Variants in PLXNA4 observed in about 807,000 individuals in gnomAD.
PLXNA4 encodes the protein plexin A4.
Under a neutral mutation model 191.8 loss-of-function variants are expected in PLXNA4, and 44 were observed. The observed-to-expected ratio is 0.23, with a 90% CI of 0.18 to 0.29. The LOEUF (loss-of-function observed/expected upper bound fraction) is 0.29. Among genes scored for constraint, PLXNA4 ranks in the 10% least tolerant of loss-of-function variants. The pLI, the probability that PLXNA4 is intolerant of heterozygous loss-of-function variation, is 1.00. For missense variants in PLXNA4, 1,800 were observed against 2,488.8 expected (o/e 0.72, Z 5.89); for synonymous variants, 1,082 against 1,009.5 (o/e 1.07, Z -1.36).
At chr7:132,373,631 A>G (rs943781600) in intron 3 of PLXNA4, among the ~76,000 whole-genome samples, 1 of 152,162 alleles carries the variant, frequency 6.6e-6, no homozygotes, top group African/African-American at 2.4e-5. Context: ...TAAAACAAAT[A>G]CACTTGAAAC....
At chr7:132,439,387 T>C (rs1238901696) in intron 3 of PLXNA4, among the ~76,000 whole-genome samples, 1 of 152,226 alleles carries the variant, frequency 6.6e-6, no homozygotes, top group Admixed American at 6.5e-5. Flanking sequence ...GCAATTTACT[T>C]GGTGATTCAC....
chr7:132,229,580 C>G (rs1040174846), intron 5 of PLXNA4, among the ~76,000 whole-genome samples: 33 of 152,084 alleles, frequency 2.2e-4, no homozygotes, highest in African/African-American at 5.6e-4. Flanking sequence ...GATGAGACAG[C>G]AGGGAAATCA....
At chr7:132,259,456 A>G (rs1279545056) in intron 4 of PLXNA4, among the ~76,000 whole-genome samples, 37 of 141,276 alleles carry the variant, frequency 2.6e-4, no homozygotes, top group African/African-American at 1.0e-3. Flanking sequence ...AAAAAAAAAA[A>G]AAAAAAAAAA....
Position 132,563,115 on chromosome 7 carries a change from C to T in PLXNA4, c.-87+13307G>A, listed in dbSNP as rs1208300913. On this transcript the variant is annotated intron_variant, in intron 1 of 31. Coordinates refer to ENST00000321063, the MANE Select transcript of PLXNA4 (RefSeq NM_020911.2). ...CTTCTTCCTCCTCCTCCTCTCCCTC[C>T]TCCTCCTTCTCCTCCTCCTCCTTCT... is the stretch of plus-strand genomic sequence containing the variant. Among the ~76,000 whole-genome samples the T allele has an allele frequency of 1.0e-3, 116 of 111,296 alleles. 2 individuals are homozygous for T. Among genetic ancestry groups the T allele is most frequent in the African/African-American group, 3.7e-3 (106 of 28,806 alleles). The allele number at this position is 111,296 out of a possible 152,430, so 73.0% of individuals were successfully genotyped here.
upstream of PLXNA4, among the ~76,000 whole-genome samples, chr7:132,580,168 A>G (rs932524171): frequency 6.6e-6 from 1 of 152,346 alleles, no homozygotes; most frequent in African/African-American, 2.4e-5. Flanking sequence ...GTAGGGAATT[A>G]GAGTCGCTTT....
intron 3 of PLXNA4, among the ~76,000 whole-genome samples, chr7:132,479,165 C>T (rs7810650): frequency 0.013 from 1,943 of 151,888 alleles, 31 homozygotes; most frequent in African/African-American, 0.045. Flanking sequence ...GGTACTTCGG[C>T]GACTGAGACA....
At chr7:132,159,420 G>C (rs1222027791) in intron 25 of PLXNA4, 53 bp downstream of exon 25, 1 of 1,599,802 alleles carries the variant, frequency 6.3e-7, no homozygotes, top group Non-Finnish European at 8.5e-7. Context: ...GAGAAGGTGA[G>C]GTGTGTTCAG....
At chr7:132,628,995 G>C (rs4431540) in intron 2 of PLXNA4, among the ~76,000 whole-genome samples, 1 of 152,106 alleles carries the variant, frequency 6.6e-6, no homozygotes, top group African/African-American at 2.4e-5. Flanking sequence ...CAAGAGTGAG[G>C]CACTCAAATG....
chr7:132,269,366 C>G (rs1338566619), intron 4 of PLXNA4, among the ~76,000 whole-genome samples: 1 of 151,910 alleles, frequency 6.6e-6, no homozygotes, highest in Non-Finnish European at 1.5e-5. Context: ...CCCTGCCTCC[C>G]CCGCCCCCAC....
chr7:132,467,221 T>C (rs187137669), intron 3 of PLXNA4, among the ~76,000 whole-genome samples: 1 of 151,998 alleles, frequency 6.6e-6, no homozygotes, highest in Admixed American at 6.5e-5. Context: ...CTCTGCAGAG[T>C]GGCTGGTCTT....
At chr7:132,222,431 C>A (rs1798177108) in intron 9 of PLXNA4, among the ~76,000 whole-genome samples, 2 of 152,284 alleles carry the variant, frequency 1.3e-5, no homozygotes, top group South Asian at 4.1e-4. Context: ...ATGGGGAGGG[C>A]ACTTGATGGG....
intron 18 of PLXNA4, 28 bp downstream of exon 18, chr7:132,181,352 AC>A: frequency 6.2e-7 from 1 of 1,602,730 alleles, no homozygotes; most frequent in Non-Finnish European, 8.5e-7. Flanking sequence ...TTCTTTTCCC[AC>A]CCCCGCCTCC....
At chr7:132,551,053 C>G (rs1800540250) in intron 1 of PLXNA4, among the ~76,000 whole-genome samples, 1 of 152,188 alleles carries the variant, frequency 6.6e-6, no homozygotes, top group African/African-American at 2.4e-5. Context: ...CTCTGCCTTC[C>G]CTTCCACTTA....
At chr7:132,253,240 T>C (rs866934339) in intron 4 of PLXNA4, among the ~76,000 whole-genome samples, 5,741 of 147,782 alleles carry the variant, frequency 0.039, 142 homozygotes, top group Non-Finnish European at 0.059. Flanking sequence ...TTCTTTTTTT[T>C]TTTTTTTTTT....
intron 3 of PLXNA4, among the ~76,000 whole-genome samples, chr7:132,411,676 A>G (rs1794465848): frequency 6.6e-6 from 1 of 152,194 alleles, no homozygotes; most frequent in African/African-American, 2.4e-5. Flanking sequence ...ATTGAGGAAC[A>G]AAGGACATGA....
intron 1 of PLXNA4, among the ~76,000 whole-genome samples, chr7:132,531,696 C>T (rs1799620921): frequency 6.6e-6 from 1 of 152,204 alleles, no homozygotes. Context: ...CTTTCGAGTG[C>T]TGTGACAAGC....
intron 2 of PLXNA4, 117 bp downstream of exon 2, chr7:132,507,389 A>G (rs1276220129): frequency 7.6e-6 from 8 of 1,046,162 alleles, no homozygotes; most frequent in Non-Finnish European, 1.1e-5. Context: ...ATGGGATGGG[A>G]TATACTCACT....
At chr7:132,219,598 A>G (rs1408568277) in intron 9 of PLXNA4, among the ~76,000 whole-genome samples, 4 of 152,158 alleles carry the variant, frequency 2.6e-5, no homozygotes, top group Admixed American at 2.6e-4. Flanking sequence ...CTTCCCCTAG[A>G]GTGGTGACAG....
chr7:132,409,364 G>A (rs1313204830), intron 3 of PLXNA4, among the ~76,000 whole-genome samples: 4 of 152,152 alleles, frequency 2.6e-5, no homozygotes, highest in South Asian at 2.1e-4. Context: ...GCCCCGAGAC[G>A]TCTTCCCTTG....
Sources: gnomAD v4.1 joint callset for allele counts (sites outside exome capture counted in the v4.1 genomes callset) on GRCh38, gnomAD v4.1.1 for gene constraint, MANE v1.5 for transcripts, NCBI Gene and HGNC (gene_info 2026-07-23, HGNC 2026-07-21) for gene names.